WDFY3: variants seen among roughly 807,000 people sequenced by gnomAD.
WDFY3 encodes the protein WD repeat and FYVE domain-containing protein 3.
In WDFY3, 66 loss-of-function variants were observed where a neutral mutation model predicts 409.6. That is an observed-to-expected ratio of 0.16 (90% CI 0.13 to 0.20). The LOEUF (loss-of-function observed/expected upper bound fraction) is 0.20. Among genes scored for constraint, WDFY3 ranks in the 10% least tolerant of loss-of-function variants. WDFY3 has a pLI of 1.00. For synonymous variants in WDFY3, 1,521 were observed against 1,537.1 expected, an observed-to-expected ratio of 0.99 and a Z score of 0.25; for missense variants, 3,031 against 4,298.1, an observed-to-expected ratio of 0.71 and a Z score of 8.24.
intron 47 of WDFY3, 66 bp downstream of exon 47, chr4:84,721,343 A>G (rs1424182516): frequency 1.9e-6 from 3 of 1,576,466 alleles, no homozygotes; most frequent in Non-Finnish European, 2.6e-6. Flanking sequence ...TACCCTATCA[A>G]CTCATCTTGT....
chr4:84,713,022 G>C (rs1733203286), intron 51 of WDFY3, 137 bp downstream of exon 51: 1 of 828,682 alleles, frequency 1.2e-6, no homozygotes, highest in Admixed American at 2.2e-5. Flanking sequence ...TCTTCCTTTA[G>C]TTTTCAGTAT....
At chr4:84,690,783 TTC>T in intron 60 of WDFY3, 119 bp from the exon 61 acceptor site, 1 of 1,249,594 alleles carries the variant, frequency 8.0e-7, no homozygotes, top group Non-Finnish European at 1.1e-6. Context: ...GCGGCTCATG[TTC>T]TGAGCTAGCT....
At chr4:84,757,338 C>T (rs577122894) in intron 32 of WDFY3, among the ~76,000 whole-genome samples, 177 bp from the exon 33 acceptor site, 57 of 152,262 alleles carry the variant, frequency 3.7e-4, no homozygotes, top group Non-Finnish European at 6.6e-4. Flanking sequence ...TTTTACTTTA[C>T]AATTTGTTTG....
rs1214997532 is a variant in WDFY3 at position 84,786,151 on chromosome 4, G to T, written c.3902-12C>A. The T allele has an allele frequency of 6.3e-6, 10 of 1,578,922 alleles. No individual in the cohort carries two copies. The highest frequency in any genetic ancestry group is 1.7e-4 in the Middle Eastern group (1 of 5,960). On this transcript the variant is annotated splice_polypyrimidine_tract_variant and intron_variant, in intron 23 of 67. Transcript: ENST00000295888. ...TTTTGCATCTTTACCTTCAAAAGAAGAATAATTCTTTTCAAAATCATCAGT... is the reference window on the plus strand; with the variant it reads ...TTTTGCATCTTTACCTTCAAAAGAATAATAATTCTTTTCAAAATCATCAGT...
At chr4:84,762,668 T>A (rs763225542) in intron 32 of WDFY3, among the ~76,000 whole-genome samples, 55 of 152,158 alleles carry the variant, frequency 3.6e-4, no homozygotes, top group Admixed American at 7.9e-4. Flanking sequence ...ATTTGACAAC[T>A]CATTTCTCCA....
In WDFY3 at chr4:84,772,916, T is replaced by G. The variant is rs138098186; in HGVS notation, c.4768A>C (p.Ile1590Leu). 2 of 1,604,412 alleles carry G rather than the reference T, an allele frequency of 1.2e-6. No homozygotes were observed. Among genetic ancestry groups the G allele is most frequent in the Non-Finnish European group, 1.7e-6 (2 of 1,176,806 alleles). ...SNDLLRFGQF[I>L]SSTLPTFAVC... is the part of the protein sequence containing the mutation. ...GCAAAGGTTGGCAAAGTAGAAGAAA[T>G]AAACTGCCCAAATCTTTAAACAAAG... The change falls in exon 30 of 68, where the codon ATT (isoleucine) becomes CTT (leucine). Residue 1590 changes from isoleucine (I) to leucine (L), a missense_variant. Around this residue, in one of 16 missense-constraint regions of WDFY3, gnomAD observed 342 missense variants for 463.7 expected, o/e 0.74. Transcript: ENST00000295888.
chr4:84,741,505 G>C (rs540463529), intron 38 of WDFY3, among the ~76,000 whole-genome samples: 3 of 152,158 alleles, frequency 2.0e-5, no homozygotes, highest in Non-Finnish European at 4.4e-5. Context: ...AGCAGAGACA[G>C]GGTCTCACCA....
At position 84,810,073 on chromosome 4, in the gene WDFY3, C is replaced by A. The variant is rs779330721; in HGVS notation, c.2159G>T (p.Arg720Leu). 1.9e-6 allele frequency: 3 copies of A among 1,614,032 alleles called. No individual in the cohort carries two copies. The highest frequency in any genetic ancestry group is 3.3e-5 in the Admixed American group (2 of 59,996). Residue 720 changes from arginine to leucine, a missense_variant, in exon 14 of 68, where the codon CGA (arginine) becomes CTA (leucine). By Grantham distance (102) the Arg-to-Leu change is moderately radical. Around this residue, in one of 16 missense-constraint regions of WDFY3, gnomAD observed 1,322 missense variants for 1,697.9 expected, o/e 0.78. Transcript: ENST00000295888. The stretch of plus-strand genomic sequence containing the variant: ...TAGGTCTGAGAAGCAGCCAAGAAAT[C>A]GAACAGCATCTGCCAACTTCTCATA... ...IQYEKLADAV[R>L]FLGCFSDLRK... is the part of the protein sequence containing the mutation.
At chr4:84,866,595 T>G (rs1207428595) in intron 3 of WDFY3, among the ~76,000 whole-genome samples, 2 of 152,196 alleles carry the variant, frequency 1.3e-5, no homozygotes, top group African/African-American at 4.8e-5. Context: ...CAGCCTTTAA[T>G]TAGCCATGGA....
At chr4:84,787,986 T>A (rs1747843339) in intron 22 of WDFY3, among the ~76,000 whole-genome samples, 1 of 152,192 alleles carries the variant, frequency 6.6e-6, no homozygotes, top group Admixed American at 6.5e-5. Flanking sequence ...ATACTGTCAA[T>A]GGCTGGTTTG....
At chr4:84,825,561 A>G (rs1048307538) in intron 10 of WDFY3, among the ~76,000 whole-genome samples, 4 of 152,110 alleles carry the variant, frequency 2.6e-5, no homozygotes, top group Non-Finnish European at 4.4e-5. Context: ...TCACTTAGGG[A>G]AACATGGATT....
rs145107390 is a variant in WDFY3, at chr4:84,733,539, C to G, written c.7064G>C (p.Arg2355Pro). 6.2e-7 allele frequency: 1 copy of G among 1,614,130 alleles called. No homozygotes were observed. Among genetic ancestry groups the G allele is most frequent in the Non-Finnish European group, 8.5e-7 (1 of 1,180,028 alleles). ...GCCGATGGGAGGGCCCCACAGCCCCCGCTCCCTCAACAGCTCGCACTCGAT... is the reference window on the plus strand; with the variant it reads ...GCCGATGGGAGGGCCCCACAGCCCCGGCTCCCTCAACAGCTCGCACTCGAT... ...CQIECELLRE[R>P]GLWGPPIGSH... Residue 2355 changes from arginine to proline, a missense_variant, in exon 44 of 68, where the codon CGG becomes CCG. By Grantham distance (103) the Arg-to-Pro change is moderately radical (BLOSUM62 -2). Coordinates refer to ENST00000295888, the MANE Select transcript of WDFY3 (RefSeq NM_014991.6).
At chr4:84,923,634 T>C (rs1769574638) in intron 2 of WDFY3, among the ~76,000 whole-genome samples, 1 of 152,192 alleles carries the variant, frequency 6.6e-6, no homozygotes, top group Non-Finnish European at 1.5e-5. Context: ...CTTAATAATG[T>C]TCATATCAAT....
intron 1 of WDFY3, among the ~76,000 whole-genome samples, chr4:84,942,851 C>T (rs950485658): frequency 6.6e-6 from 1 of 152,106 alleles, no homozygotes; most frequent in African/African-American, 2.4e-5. Flanking sequence ...AGTATATTTA[C>T]CAGTCTGTGG....
At chr4:84,842,076 TAGAG>T (rs956163140) in intron 5 of WDFY3, among the ~76,000 whole-genome samples, 25 of 152,284 alleles carry the variant, frequency 1.6e-4, no homozygotes, top group African/African-American at 3.6e-4. Flanking sequence ...TATTTCTTAT[TAGAG>T]AGAAGAGTAA....
intron 6 of WDFY3, among the ~76,000 whole-genome samples, chr4:84,840,360 T>C (rs967434459): frequency 6.6e-6 from 1 of 152,222 alleles, no homozygotes; most frequent in Non-Finnish European, 1.5e-5. Context: ...TGTTTCCTTA[T>C]TTCCCATTAA....
chr4:84,717,115 G>A, intron 48 of WDFY3, 99 bp from the exon 49 acceptor site: 1 of 1,280,860 alleles, frequency 7.8e-7, no homozygotes, highest in South Asian at 2.3e-5. Flanking sequence ...GAACAGGATG[G>A]AGGAGTAATA....
intron 10 of WDFY3, among the ~76,000 whole-genome samples, chr4:84,822,539 T>A (rs911822163): frequency 1.3e-5 from 2 of 151,292 alleles, no homozygotes; most frequent in Non-Finnish European, 3.0e-5. Flanking sequence ...ACAAGAGATT[T>A]AAAAAAAAAT....
Position 84,740,176 on chromosome 4 carries a change from A to C in WDFY3, c.6464+11T>G. The C allele has an allele frequency of 1.9e-6, 3 of 1,613,524 alleles. No homozygotes were observed. Among genetic ancestry groups the C allele is most frequent in the Non-Finnish European group, 2.5e-6 (3 of 1,179,508 alleles). ...AAATTTAACATGGCAAACTGAACCT[A>C]AAGGATTTACCTTCCAACATGTAGA... On this transcript the variant is annotated intron_variant, in intron 39 of 67. Transcript: ENST00000295888.
Sources: allele counts gnomAD v4.1 joint callset (sites outside exome capture counted in the v4.1 genomes callset), GRCh38; gene constraint gnomAD v4.1.1; regional missense constraint gnomAD v4.1.1; transcripts MANE v1.5; gene names NCBI Gene and HGNC (gene_info 2026-07-23, HGNC 2026-07-21).